The following SEPTIN5 variants were observed in gnomAD, a reference collection of about 807,000 sequenced individuals.
SEPTIN5 encodes septin 5, also known as septin-5.
A neutral mutation model predicts 51.2 loss-of-function variants in SEPTIN5; 16 were observed. The ratio of observed to expected loss-of-function variants is 0.31; its 90% CI spans 0.21 to 0.47. The LOEUF is 0.47. SEPTIN5 is among the 20% of genes least tolerant of loss of function. The pLI, the probability that SEPTIN5 is intolerant of heterozygous loss-of-function variation, is 0.99. For synonymous variants in SEPTIN5, 208 were observed against 191.2 expected, an observed-to-expected ratio of 1.09 and a Z score of -0.72; for missense variants, 376 against 500.3, an observed-to-expected ratio of 0.75 and a Z score of 2.37.
In SEPTIN5 at chr22:19,722,721, G is replaced by A; in HGVS notation, c.*237G>A. On this transcript the variant is annotated 3_prime_UTR_variant, in exon 12 of 12. Transcript: ENST00000455784. ...AGGAGCGAAGTTGGGCGGGACTTCA[G>A]AGATCCGCCTCCCTTGCCCTTCCCC... is the stretch of plus-strand genomic sequence containing the variant. 1.7e-6 allele frequency: 1 copy of A among 581,448 alleles called. No individual in the cohort carries two copies. Among genetic ancestry groups the A allele is most frequent in the Non-Finnish European group, 3.1e-6 (1 of 325,790 alleles). 36.0% of individuals were successfully genotyped at this position (581,448 alleles called of 1,614,324 possible).
Position 19,721,803 on chromosome 22 carries a change from A to AC in SEPTIN5, c.815-16dup. On this transcript the variant is annotated intron_variant, in intron 9 of 11. Transcript: ENST00000455784. ...TGTCCTGGGCCGGCGCCAGCCCACT[A>AC]CCCACCCCCACCCCGCAGTGGAGAA... 1.9e-6 allele frequency: 3 copies of AC among 1,561,968 alleles called. No homozygotes were observed. The highest frequency in any genetic ancestry group is 2.6e-6 in the Non-Finnish European group (3 of 1,138,866).
intron 2 of SEPTIN5, among the ~76,000 whole-genome samples, chr22:19,715,736 A>AG (rs994617757): frequency 6.6e-5 from 10 of 151,986 alleles, no homozygotes; most frequent in Non-Finnish European, 1.5e-4. Flanking sequence ...GAGGGCGGGC[A>AG]GGGGGGCCAG....
intron 3 of SEPTIN5, 34 bp from the exon 4 acceptor site, chr22:19,719,772 C>G (rs746581188): frequency 5.6e-6 from 9 of 1,611,602 alleles, no homozygotes; most frequent in Non-Finnish European, 5.9e-6. Context: ...GAGCCCCAGA[C>G]CTAACGCAGC....
rs1314376977 is a variant in SEPTIN5 at position 19,714,539 on chromosome 22, T to C, written c.-50T>C. The C allele has an allele frequency of 7.7e-7, 1 of 1,303,074 alleles. No homozygotes were observed. The highest frequency in any genetic ancestry group is 3.8e-5 in the Admixed American group (1 of 26,348). 80.7% of individuals were successfully genotyped at this position (1,303,074 alleles called of 1,614,324 possible). A position where few individuals can be genotyped will look rare whatever the true frequency, so the allele number is the denominator to read the frequency against. ...CGGCCTCGGCCTCCGCCGCTTGTCG[T>C]CGCGCCCCGCCCGCGAGCCCGCCCC... On this transcript the variant is annotated 5_prime_UTR_variant, in exon 1 of 12. Coordinates refer to ENST00000455784, the MANE Select transcript of SEPTIN5 (RefSeq NM_002688.6). This position sits in a 1 kb window ranked among gnomAD's most constrained non-coding sequence, Gnocchi z 5.2.
intron 2 of SEPTIN5, chr22:19,717,763 C>G: frequency 3.9e-6 from 1 of 257,532 alleles, no homozygotes; most frequent in Non-Finnish European, 7.7e-6. Flanking sequence ...GGAAAGAGTC[C>G]ACCAAACACA....
chr22:19,719,213 G>A (rs1286753229), intron 2 of SEPTIN5, among the ~76,000 whole-genome samples: 1 of 152,198 alleles, frequency 6.6e-6, no homozygotes, highest in African/African-American at 2.4e-5. Context: ...CTCCGGAGGG[G>A]TGAGTGTCGA....
chr22:19,714,687 C>T lies in SEPTIN5; in HGVS notation c.43+56C>T. ...CGCGCCTTTGTCCCCGCCGCCCGCG[C>T]GCCTCTCACCGTGTCTCTCCGTCTC... On this transcript the variant is annotated intron_variant, in intron 1 of 11. Coordinates refer to ENST00000455784, the MANE Select transcript of SEPTIN5 (RefSeq NM_002688.6). The surrounding 1 kb of genome is among the most constrained non-coding windows in gnomAD (Gnocchi z 5.2). 2 of 1,522,042 alleles carry T rather than the reference C, an allele frequency of 1.3e-6. No homozygotes were observed. The highest frequency in any genetic ancestry group is 2.0e-5 in the Admixed American group (1 of 49,642). 94.3% of individuals were successfully genotyped at this position (1,522,042 alleles called of 1,614,324 possible). A position where few individuals can be genotyped will look rare whatever the true frequency, so the allele number is the denominator to read the frequency against.
Position 19,721,642 on chromosome 22 carries a change from G to A in SEPTIN5, c.720G>A (p.Glu240=). ...DFKQQDRELK[E]SAPFAVIGSN... is the part of the protein sequence containing the mutation. ...GCCTTTCTCCCTCCTTCCCCCAGGA[G>A]AGCGCGCCCTTCGCCGTTATAGGCA... The change falls in exon 9 of 12, where the codon GAG becomes GAA. Residue 240 remains glutamate (E), a splice_region_variant and synonymous_variant. Transcript: ENST00000455784. 1 of 1,612,788 alleles carries A rather than the reference G, an allele frequency of 6.2e-7. No individual in the cohort carries two copies. Among genetic ancestry groups the A allele is most frequent in the African/African-American group, 1.3e-5 (1 of 75,048 alleles).
rs1485073949 is a variant in SEPTIN5 at position 19,714,571 on chromosome 22, C to T, written c.-18C>T. On this transcript the variant is annotated 5_prime_UTR_variant, in exon 1 of 12. Transcript: ENST00000455784. This position sits in a 1 kb window ranked among gnomAD's most constrained non-coding sequence, Gnocchi z 5.2. ...CCGCCCGCGAGCCCGCCCCGCACGT[C>T]CCCCGCCGGCGGCCACCATGAGCAC... is the stretch of plus-strand genomic sequence containing the variant. 7.1e-7 allele frequency: 1 copy of T among 1,410,760 alleles called. No individual in the cohort carries two copies. Among genetic ancestry groups the T allele is most frequent in the Non-Finnish European group, 9.2e-7 (1 of 1,083,338 alleles). The allele number at this position is 1,410,760 out of a possible 1,614,324, so 87.4% of individuals were successfully genotyped here.
In SEPTIN5 at chr22:19,723,154, C is replaced by G. The variant is rs1031738342; in HGVS notation, c.*670C>G. ...CTCGGTGCCGTCCCCTGCCCTCGCT[C>G]GAGGCCTCTTCTCCCCAGCACCGCT... is the stretch of plus-strand genomic sequence containing the variant. On this transcript the variant is annotated 3_prime_UTR_variant, in exon 12 of 12. Coordinates refer to ENST00000455784, the MANE Select transcript of SEPTIN5 (RefSeq NM_002688.6). The G allele has an allele frequency of 5.3e-6, 3 of 564,564 alleles. No homozygotes were observed. In the East Asian group the frequency reaches 1.1e-4, roughly 21 times the overall value. The allele number at this position is 564,564 out of a possible 1,614,324, so 35.0% of individuals were successfully genotyped here. A position where few individuals can be genotyped will look rare whatever the true frequency, so the allele number is the denominator to read the frequency against.
chr22:19,718,320 C>T, intron 2 of SEPTIN5: 1 of 864,878 alleles, frequency 1.2e-6, no homozygotes, highest in Non-Finnish European at 1.4e-6. Context: ...CTCGGCTCAG[C>T]CCTGCCCTCC....
intron 2 of SEPTIN5, 44 bp from the exon 3 acceptor site, chr22:19,719,558 T>C (rs760431948): frequency 1.1e-5 from 17 of 1,519,966 alleles, no homozygotes; most frequent in African/African-American, 2.7e-5. Flanking sequence ...ATTGGGCTTC[T>C]GGAGAAACCT....
At chr22:19,719,996 GGT>G in intron 4 of SEPTIN5, 104 bp downstream of exon 4, 1 of 1,599,802 alleles carries the variant, frequency 6.3e-7, no homozygotes, top group Admixed American at 1.7e-5. Flanking sequence ...CTGTTCTCGC[GGT>G]GTGGGTCCCC....
Position 19,722,795 on chromosome 22 carries a change from G to T in SEPTIN5, c.*311G>T. Reference sequence around the variant, plus strand: ...CAAACCGCAGGCCCTGCTCTGGCAGGCAGGCAAAGCTAGGCAGAAGAGGAT... The same window carrying T: ...CAAACCGCAGGCCCTGCTCTGGCAGTCAGGCAAAGCTAGGCAGAAGAGGAT... On this transcript the variant is annotated 3_prime_UTR_variant, in exon 12 of 12. Transcript: ENST00000455784. The T allele has an allele frequency of 2.0e-6, 1 of 508,082 alleles. No homozygotes were observed. Among genetic ancestry groups the T allele is most frequent in the Non-Finnish European group, 3.6e-6 (1 of 279,638 alleles). 31.5% of individuals were successfully genotyped at this position (508,082 alleles called of 1,614,324 possible).
In SEPTIN5 at chr22:19,722,611, A is replaced by G. The variant is rs991625888; in HGVS notation, c.*127A>G. The G allele has an allele frequency of 2.1e-6, 2 of 958,496 alleles. No individual in the cohort carries two copies. Among genetic ancestry groups the G allele is most frequent in the East Asian group, 2.7e-5 (1 of 37,542 alleles). 59.4% of individuals were successfully genotyped at this position (958,496 alleles called of 1,614,324 possible). ...CTGACCCTAATTTATTCTCAGCACC[A>G]CCCCCTCCCAGGTCATTGTGTCTGT... On this transcript the variant is annotated 3_prime_UTR_variant, in exon 12 of 12. Coordinates refer to ENST00000455784, the MANE Select transcript of SEPTIN5 (RefSeq NM_002688.6).
At chr22:19,717,919 A>AACGCGCGC (rs1555890785) in intron 2 of SEPTIN5, 2 of 154,940 alleles carry the variant, frequency 1.3e-5, no homozygotes, top group East Asian at 2.1e-4. Flanking sequence ...CGCACACACA[A>AACGCGCGC]ACGCGCGCAC....
chr22:19,714,665 G>A lies in SEPTIN5; in HGVS notation c.43+34G>A, dbSNP rs1323165275. 1.5e-6 allele frequency: 2 copies of A among 1,339,954 alleles called. No individual in the cohort carries two copies. The highest frequency in any genetic ancestry group is 5.2e-5 in the East Asian group (2 of 38,612). The allele number at this position is 1,339,954 out of a possible 1,614,324, so 83.0% of individuals were successfully genotyped here. ...AGCGCCTGCCCGCGTGCCCGCGCGC[G>A]CCTTTGTCCCCGCCGCCCGCGCGCC... On this transcript the variant is annotated intron_variant, in intron 1 of 11. Coordinates refer to ENST00000455784, the MANE Select transcript of SEPTIN5 (RefSeq NM_002688.6). The surrounding 1 kb of genome is among the most constrained non-coding windows in gnomAD (Gnocchi z 5.2).
chr22:19,721,759 A>G (rs555393846), intron 9 of SEPTIN5, 23 bp downstream of exon 9: 2 of 1,601,470 alleles, frequency 1.2e-6, no homozygotes, highest in South Asian at 1.1e-5. Context: ...TTGGGGTACC[A>G]GGTCTGGTGG....
Position 19,721,967 on chromosome 22 carries a change from C to T in SEPTIN5, c.950+10C>T. 6.2e-7 allele frequency: 1 copy of T among 1,600,628 alleles called. No individual in the cohort carries two copies. Among genetic ancestry groups the T allele is most frequent in the Non-Finnish European group, 8.5e-7 (1 of 1,174,056 alleles). On this transcript the variant is annotated intron_variant, in intron 10 of 11. Transcript: ENST00000455784. ...TCCAGCAGATGACCAGGTGCGCGCC[C>T]CAGCCGCGAGCCAGACCTCGCCCCT...
Sources: gnomAD v4.1 joint callset for allele counts (sites outside exome capture counted in the v4.1 genomes callset) on GRCh38, gnomAD v4.1.1 for gene constraint, Gnocchi (gnomAD v3.1) non-coding constraint, MANE v1.5 for transcripts, NCBI Gene and HGNC (gene_info 2026-07-23, HGNC 2026-07-21) for gene names.